Variants in NPHP4 observed in about 807,000 individuals in gnomAD.
NPHP4 encodes nephrocystin 4.
In NPHP4, 151 loss-of-function variants were observed where a neutral mutation model predicts 155.8. That is an observed-to-expected ratio of 0.97 (90% confidence interval 0.85 to 1.11). NPHP4 has a LOEUF of 1.11. NPHP4 is among the 50% of genes least tolerant of loss of function. NPHP4 has a pLI of 0.00. For synonymous variants in NPHP4, 845 were observed against 816.8 expected (o/e 1.03, Z -0.59); for missense variants, 1,956 against 1,925.7 (o/e 1.02, Z -0.29).
At chr1:5,945,609 G>A (rs12121474) in intron 9 of NPHP4, among the ~76,000 whole-genome samples, 4,728 of 152,182 alleles carry the variant, frequency 0.031, 83 homozygotes, top group African/African-American at 0.048. Flanking sequence ...CCTGCTCTCC[G>A]GCCTGAGGCA....
At position 5,901,045 on chromosome 1, in the gene NPHP4, C is replaced by CA. The variant is rs58120496; in HGVS notation, c.2143+3571dup. Among the ~76,000 whole-genome samples the CA allele has an allele frequency of 6.1e-4, 87 of 143,520 alleles. No homozygotes were observed. The South Asian group carries it at 6.3e-3, about 10-fold the overall frequency. The allele number at this position is 143,520 out of a possible 152,430, so 94.2% of individuals were successfully genotyped here. A position where few individuals can be genotyped will look rare whatever the true frequency, so the allele number is the denominator to read the frequency against. On this transcript the variant is annotated intron_variant, in intron 16 of 29. Coordinates refer to ENST00000378156, the MANE Select transcript of NPHP4 (RefSeq NM_015102.5). ...GTAAGATCCTGTCTCAAATAAAACC[C>CA]AAAAAAAAACAAAAAAGAATATGTC... is the stretch of plus-strand genomic sequence containing the variant.
At chr1:5,964,237 G>A (rs963595329) in intron 5 of NPHP4, among the ~76,000 whole-genome samples, 4 of 152,170 alleles carry the variant, frequency 2.6e-5, no homozygotes, top group South Asian at 2.1e-4. Context: ...AAACGACCCC[G>A]GAAGGGTCTG....
At chr1:5,970,541 A>G (rs1652371987) in intron 3 of NPHP4, among the ~76,000 whole-genome samples, 1 of 152,116 alleles carries the variant, frequency 6.6e-6, no homozygotes, top group African/African-American at 2.4e-5. Flanking sequence ...AGCACAGTAG[A>G]CAGAGATGAA....
At position 5,978,390 on chromosome 1, in the gene NPHP4, C is replaced by T. The variant is rs751695436; in HGVS notation, c.159G>A (p.Glu53=). The T allele has an allele frequency of 6.2e-7, 1 of 1,606,000 alleles. No individual in the cohort carries two copies. Among genetic ancestry groups the T allele is most frequent in the South Asian group, 1.1e-5 (1 of 89,666 alleles). Residue 53 remains glutamate, a synonymous_variant, in exon 3 of 30, where the codon GAG becomes GAA. Transcript: ENST00000378156. ...IRQGVLEVLS[E]VECHLRVSFF... is the part of the protein sequence containing the mutation. ...AAGACACTCGCAGATGGCATTCAAC[C>T]TCTGACAGTACCTCCAGCACGCCCT... is the stretch of plus-strand genomic sequence containing the variant.
At chr1:5,953,071 T>C (rs1274466749) in intron 6 of NPHP4, among the ~76,000 whole-genome samples, 1 of 148,198 alleles carries the variant, frequency 6.7e-6, no homozygotes, top group Non-Finnish European at 1.5e-5. Flanking sequence ...GTTTTTCTGT[T>C]GTTTTGTTTT....
chr1:5,865,937 G>T lies in NPHP4; in HGVS notation c.3644+436C>A, dbSNP rs573455149. 6.0e-5 allele frequency: 13 copies of T among 214,910 alleles called. No homozygotes were observed. In the South Asian group the frequency reaches 1.0e-3, roughly 17 times the overall value. The allele number at this position is 214,910 out of a possible 1,614,324, so 13.3% of individuals were successfully genotyped here. ...AGGGCTTGGGGATCCGACTTAGGAGGGGAGGGGAAAGGGGCCGGGTCATTT... is the reference window on the plus strand; with the variant it reads ...AGGGCTTGGGGATCCGACTTAGGAGTGGAGGGGAAAGGGGCCGGGTCATTT... On this transcript the variant is annotated intron_variant, in intron 26 of 29. Transcript: ENST00000378156.
chr1:5,883,318 C>A (rs1254007305), intron 18 of NPHP4, among the ~76,000 whole-genome samples: 1 of 152,170 alleles, frequency 6.6e-6, no homozygotes, highest in Non-Finnish European at 1.5e-5. Flanking sequence ...GATGTTCACG[C>A]TCCGGGCCAC....
rs538993695 is a variant in NPHP4, at chr1:5,908,562, G to T, written c.1503+590C>A. On this transcript the variant is annotated intron_variant, in intron 12 of 29. Coordinates refer to ENST00000378156, the MANE Select transcript of NPHP4 (RefSeq NM_015102.5). ...ACGGGTGTCTCGGGACTCCAGAACG[G>T]CAGCCAAGCAGGAGCTCAGCTCAGA... Among the ~76,000 whole-genome samples, 554 of 152,284 alleles carry T rather than the reference G, an allele frequency of 3.6e-3. 1 individual carries two copies. The highest frequency in any genetic ancestry group is 0.012 in the African/African-American group (510 of 41,564).
intron 11 of NPHP4, among the ~76,000 whole-genome samples, chr1:5,921,716 T>G (rs1234869929): frequency 6.6e-6 from 1 of 152,260 alleles, no homozygotes; most frequent in Non-Finnish European, 1.5e-5. Flanking sequence ...GTCTATTTCT[T>G]ATTGATTTGG....
At chr1:5,980,594 C>T (rs74049339) in intron 2 of NPHP4, among the ~76,000 whole-genome samples, 3 of 151,052 alleles carry the variant, frequency 2.0e-5, no homozygotes, top group East Asian at 1.9e-4. Context: ...TAGGAGGAGG[C>T]GAGACAGGGA....
rs1320545279 is a variant in NPHP4, at chr1:5,992,413, G to C, written c.-208C>G. 1.3e-5 allele frequency: 2 copies of C among 152,396 alleles called. No individual in the cohort carries two copies. Among genetic ancestry groups the C allele is most frequent in the South Asian group, 2.1e-4 (1 of 4,842 alleles). The allele number at this position is 152,396 out of a possible 1,614,324, so 9.4% of individuals were successfully genotyped here. ...GCCCCGTCCGCTGCCACCCGCGGGA[G>C]GAGCCTCGGAAGGCGGCGCACCGCG... On this transcript the variant is annotated 5_prime_UTR_variant, in exon 1 of 30. Transcript: ENST00000378156.
chr1:5,939,178 T>C (rs1318285798), intron 9 of NPHP4, among the ~76,000 whole-genome samples: 2 of 152,254 alleles, frequency 1.3e-5, no homozygotes, highest in East Asian at 1.9e-4. Flanking sequence ...ATTTTCATGT[T>C]ATTCTACTGA....
At chr1:5,971,790 C>G (rs1317146400) in intron 3 of NPHP4, among the ~76,000 whole-genome samples, 1 of 150,944 alleles carries the variant, frequency 6.6e-6, no homozygotes, top group Non-Finnish European at 1.5e-5. Context: ...ACTGAAACTG[C>G]ACTATTAAAA....
chr1:5,912,549 A>G lies in NPHP4; in HGVS notation c.1442-3336T>C, dbSNP rs1048971768. 3.7e-3 allele frequency among the ~76,000 whole-genome samples: 377 copies of G among 101,192 alleles called. 2 individuals are homozygous for G. Among genetic ancestry groups the G allele is most frequent in the African/African-American group, 0.018 (356 of 19,334 alleles). 66.4% of individuals were successfully genotyped at this position (101,192 alleles called of 152,430 possible). A position where few individuals can be genotyped will look rare whatever the true frequency, so the allele number is the denominator to read the frequency against. On this transcript the variant is annotated intron_variant, in intron 11 of 29. Transcript: ENST00000378156. ...TGAGACTCCGTCTCAAAAAAAAAAA[A>G]AAAAAAGAAAAAAGAAAAAAGAAAA...
At chr1:5,973,265 A>G (rs528301028) in intron 3 of NPHP4, among the ~76,000 whole-genome samples, 1 of 152,364 alleles carries the variant, frequency 6.6e-6, no homozygotes, top group African/African-American at 2.4e-5. Context: ...GGGATCAGTG[A>G]TGGAGTAGGA....
At chr1:5,964,917 T>TAATACATATATATATATATA (rs1553194702) in intron 5 of NPHP4, among the ~76,000 whole-genome samples, 1 of 82,640 alleles carries the variant, frequency 1.2e-5, no homozygotes, top group Non-Finnish European at 2.1e-5. Flanking sequence ...TACATATATA[T>TAATACATATATATATATATA]TATATATATA....
intron 4 of NPHP4, among the ~76,000 whole-genome samples, chr1:5,967,850 G>A (rs1570684961): frequency 6.6e-6 from 1 of 152,070 alleles, no homozygotes; most frequent in Non-Finnish European, 1.5e-5. Flanking sequence ...CTACAGCACA[G>A]ACGACAGCCC....
chr1:5,866,536 T>C (rs777727793), intron 25 of NPHP4, 78 bp from the exon 26 acceptor site: 35 of 816,396 alleles, frequency 4.3e-5, no homozygotes, highest in Non-Finnish European at 6.5e-5. Flanking sequence ...CTGTGACTAA[T>C]ACACGCAGCG....
chr1:5,991,593 C>G (rs1475858413), intron 1 of NPHP4: 1 of 152,222 alleles, frequency 6.6e-6, no homozygotes, highest in Non-Finnish European at 1.5e-5. Flanking sequence ...GAGCAGCCTG[C>G]ACGCGTGGGG....
Sources: allele counts gnomAD v4.1 joint callset (sites outside exome capture counted in the v4.1 genomes callset), GRCh38; gene constraint gnomAD v4.1.1; transcripts MANE v1.5; gene names NCBI Gene and HGNC (gene_info 2026-07-23, HGNC 2026-07-21).